Variants in INAVA observed in about 807,000 individuals in gnomAD.
INAVA encodes the protein innate immunity activator protein.
In INAVA, 32 loss-of-function variants were observed where a neutral mutation model predicts 55.3. The ratio of observed to expected loss-of-function variants is 0.58; its 90% CI spans 0.44 to 0.78. The LOEUF (loss-of-function observed/expected upper bound fraction) is 0.78, where lower values mean the gene tolerates loss of function less well. Among genes scored for constraint, INAVA ranks in the 30% least tolerant of loss-of-function variants. INAVA has a pLI of 0.00. For synonymous variants in INAVA, 294 were observed against 329.4 expected (o/e 0.89, Z 1.16); for missense variants, 756 against 786.4 (o/e 0.96, Z 0.46).
At chr1:200,900,613 A>G (rs1558229189) in intron 4 of INAVA, among the ~76,000 whole-genome samples, 1 of 152,194 alleles carries the variant, frequency 6.6e-6, no homozygotes, top group Non-Finnish European at 1.5e-5. Context: ...CGTCAATGGC[A>G]GCAGTTTCCC....
At chr1:200,899,724 G>T (rs1653148096) in intron 3 of INAVA, 127 bp downstream of exon 3, 4 of 1,394,336 alleles carry the variant, frequency 2.9e-6, no homozygotes, top group African/African-American at 1.4e-5. Context: ...CAGGCTGGGG[G>T]CTGGGGCCCA....
chr1:200,912,352 CCATGTCTAGCT>C (rs140158468), intron 9 of INAVA, among the ~76,000 whole-genome samples: 20,297 of 152,198 alleles, frequency 0.13, 1,671 homozygotes, highest in Middle Eastern at 0.19. Flanking sequence ...ATTTTGCCTG[CCATGTCTAGCT>C]CAAGAGCATA....
chr1:200,894,623 C>T (rs1668301234), upstream of INAVA, among the ~76,000 whole-genome samples: 2 of 152,242 alleles, frequency 1.3e-5, no homozygotes, highest in East Asian at 3.9e-4. Flanking sequence ...CAGGGAGAGC[C>T]AGGGTCAGGA....
chr1:200,891,701 G>A (rs2102295731), upstream of INAVA: 1 of 1,461,154 alleles, frequency 6.8e-7, no homozygotes, highest in East Asian at 2.6e-5. Context: ...CCATGGGACA[G>A]GTAAGCGGGA....
chr1:200,913,798 A>G lies in INAVA; in HGVS notation c.*169A>G. The G allele has an allele frequency of 1.7e-6, 1 of 597,340 alleles. No individual in the cohort carries two copies. Among genetic ancestry groups the G allele is most frequent in the Non-Finnish European group, 3.0e-6 (1 of 335,774 alleles). The allele number at this position is 597,340 out of a possible 1,614,324, so 37.0% of individuals were successfully genotyped here. Reference sequence around the variant, plus strand: ...CGACTTTTTTCAGAAGCCCTGACCTAAGGATTTATATATGTGGATTGTCCT... The same window carrying G: ...CGACTTTTTTCAGAAGCCCTGACCTGAGGATTTATATATGTGGATTGTCCT... On this transcript the variant is annotated 3_prime_UTR_variant, in exon 10 of 10. Transcript: ENST00000413687.
chr1:200,898,375 G>A lies in INAVA; in HGVS notation c.-26G>A, dbSNP rs796728687. On this transcript the variant is annotated 5_prime_UTR_variant, in exon 2 of 10. It adds an upstream start codon to the 5' untranslated region. Transcript: ENST00000413687. Reference sequence around the variant, plus strand: ...TCACGGTGTCCCCCCTCCCTGCTCTGTGCCCTCTCCTTCCAGAAATCCACC... The same window carrying A: ...TCACGGTGTCCCCCCTCCCTGCTCTATGCCCTCTCCTTCCAGAAATCCACC... 6.2e-7 allele frequency: 1 copy of A among 1,614,064 alleles called. No homozygotes were observed. Among genetic ancestry groups the A allele is most frequent in the Admixed American group, 1.7e-5 (1 of 60,000 alleles).
In INAVA at chr1:200,908,751, C is replaced by T. The variant is rs1653594511; in HGVS notation, c.596C>T (p.Pro199Leu). 1.3e-6 allele frequency: 2 copies of T among 1,583,474 alleles called. No individual in the cohort carries two copies. Among genetic ancestry groups the T allele is most frequent in the African/African-American group, 2.7e-5 (2 of 73,386 alleles). Residue 199 changes from proline to leucine, a missense_variant, in exon 7 of 10, where the codon CCT becomes CTT. Pro to Leu is a moderately conservative substitution (Grantham distance 98). Coordinates refer to ENST00000413687, the MANE Select transcript of INAVA (RefSeq NM_001142569.3). ...GCAGAGGAATCCCAAGTGCCAAAACCTCCTCCAGAGTCTCCAGCCCCACCT... is the reference window on the plus strand; with the variant it reads ...GCAGAGGAATCCCAAGTGCCAAAACTTCCTCCAGAGTCTCCAGCCCCACCT... The part of the protein sequence containing the change: ...LEEEESQVPK[P>L]PPESPAPPSR...
At position 200,911,987 on chromosome 1, in the gene INAVA, C is replaced by T; in HGVS notation, c.1494C>T (p.Ala498=). The T allele has an allele frequency of 2.6e-6, 4 of 1,530,030 alleles. No individual in the cohort carries two copies. Among genetic ancestry groups the T allele is most frequent in the South Asian group, 1.2e-5 (1 of 82,678 alleles). The allele number at this position is 1,530,030 out of a possible 1,614,324, so 94.8% of individuals were successfully genotyped here. Residue 498 remains alanine, a synonymous_variant, in exon 9 of 10, where the codon GCC becomes GCT. Transcript: ENST00000413687. ...CGGCAGGCCGGGGGCTCAGCAAGGC[C>T]GCCGTGTCCGAGGAGCTCAAGTGGT... The part of the protein sequence containing the change: ...DSPAGRGLSK[A]AVSEELKWWH...
At chr1:200,904,631 T>C (rs532049237) in intron 5 of INAVA, among the ~76,000 whole-genome samples, 3 of 152,204 alleles carry the variant, frequency 2.0e-5, no homozygotes, top group Non-Finnish European at 4.4e-5. Flanking sequence ...GTCTGGGGTG[T>C]CCTGCGATGC....
At position 200,898,425 on chromosome 1, in the gene INAVA, G is replaced by A. The variant is rs1241070607; in HGVS notation, c.25G>A (p.Asp9Asn). Reference sequence around the variant, plus strand: ...CATGGAGAGTAAGGATGAGGTCAGCGACACCGACAGTGGCATCATCCTGCA... The same window carrying A: ...CATGGAGAGTAAGGATGAGGTCAGCAACACCGACAGTGGCATCATCCTGCA... MESKDEVS[D>N]TDSGIILQSG... Residue 9 changes from aspartate (D) to asparagine (N), a missense_variant, in exon 2 of 10, where the codon GAC becomes AAC. Asp to Asn is a conservative substitution (Grantham distance 23). Coordinates refer to ENST00000413687, the MANE Select transcript of INAVA (RefSeq NM_001142569.3). 9 of 1,613,812 alleles carry A rather than the reference G, an allele frequency of 5.6e-6. No homozygotes were observed. Among genetic ancestry groups the A allele is most frequent in the African/African-American group, 1.3e-5 (1 of 74,842 alleles).
At chr1:200,895,212 G>A in intron 1 of INAVA, 125 bp downstream of exon 1, 1 of 794,204 alleles carries the variant, frequency 1.3e-6, no homozygotes, top group Non-Finnish European at 1.5e-6. Flanking sequence ...TGTCTGGTGT[G>A]TAGGGATGAC....
chr1:200,911,929 G>C lies in INAVA; in HGVS notation c.1436G>C (p.Arg479Pro). The change falls in exon 9 of 10, where the codon CGC becomes CCC. Residue 479 changes from arginine to proline, a missense_variant. Coordinates refer to ENST00000413687, the MANE Select transcript of INAVA (RefSeq NM_001142569.3). ...RYQRLVPSRS[R>P]IVRTPSLKDS... ...CAGCGTCTGGTGCCCTCCCGCAGCC[G>C]CATCGTGCGGACGCCCTCCCTGAAG... is the stretch of plus-strand genomic sequence containing the variant. 6.4e-7 allele frequency: 1 copy of C among 1,565,468 alleles called. No homozygotes were observed. The highest frequency in any genetic ancestry group is 1.2e-5 in the South Asian group (1 of 86,756).
chr1:200,894,570 C>T (rs1183596513), upstream of INAVA, among the ~76,000 whole-genome samples: 3 of 152,128 alleles, frequency 2.0e-5, no homozygotes, highest in African/African-American at 7.2e-5. Context: ...GGGTGCTTAA[C>T]AGGCCTCAAT....
Position 200,912,064 on chromosome 1 carries a change from A to T in INAVA, c.1571A>T (p.Gln524Leu). 2.6e-6 allele frequency: 4 copies of T among 1,548,094 alleles called. No homozygotes were observed. Among genetic ancestry groups the T allele is most frequent in the Non-Finnish European group, 2.6e-6 (3 of 1,146,642 alleles). The stretch of plus-strand genomic sequence containing the variant: ...ACCCGCCCCCACTCACTGGACCGCC[A>T]AGGAGCTTTCCGGGTCAGGAGCCTG... ...RSTRPHSLDR[Q>L]GAFRVRSLPL... Residue 524 changes from glutamine to leucine, a missense_variant, in exon 9 of 10, where the codon CAA (glutamine) becomes CTA (leucine). Physicochemically the swap from Gln to Leu is moderately radical, Grantham distance 113. Transcript: ENST00000413687.
chr1:200,901,626 C>G (rs296528), intron 5 of INAVA, among the ~76,000 whole-genome samples: 42,947 of 152,142 alleles, frequency 0.28, 6,879 homozygotes, highest in Non-Finnish European at 0.37. Flanking sequence ...TTGACGATTG[C>G]TATGTGTTAC....
At chr1:200,901,730 G>A (rs904243697) in intron 5 of INAVA, among the ~76,000 whole-genome samples, 1 of 152,198 alleles carries the variant, frequency 6.6e-6, no homozygotes, top group African/African-American at 2.4e-5. Context: ...AGCCCCTTAA[G>A]TATCTACAAC....
upstream of INAVA, among the ~76,000 whole-genome samples, chr1:200,893,960 G>A (rs1668285606): frequency 6.6e-6 from 1 of 150,898 alleles, no homozygotes; most frequent in African/African-American, 2.4e-5. Context: ...AGAGTGGGGG[G>A]AAAGGGAGGT....
rs1668310089 is a variant in INAVA at position 200,894,942 on chromosome 1, CG to C, written c.-238del. On this transcript the variant is annotated 5_prime_UTR_variant, in exon 1 of 10. Transcript: ENST00000413687. ...GGCAAGGTAGGCAGGTGAGCCGAGA[CG>C]GACGGACGGCCAGCAGCTCCGTCAG... 2 of 985,746 alleles carry C rather than the reference CG, an allele frequency of 2.0e-6. No individual in the cohort carries two copies. The highest frequency in any genetic ancestry group is 9.4e-5 in the South Asian group (2 of 21,280). 61.1% of individuals were successfully genotyped at this position (985,746 alleles called of 1,614,324 possible). A position where few individuals can be genotyped will look rare whatever the true frequency, so the allele number is the denominator to read the frequency against.
At chr1:200,911,057 TA>T (rs1195398801) in intron 8 of INAVA, among the ~76,000 whole-genome samples, 2 of 134,200 alleles carry the variant, frequency 1.5e-5, no homozygotes, top group Non-Finnish European at 3.3e-5. Flanking sequence ...TGTAGTACTT[TA>T]AAAAAAGTAG....
Sources: allele counts gnomAD v4.1 joint callset (sites outside exome capture counted in the v4.1 genomes callset), GRCh38; gene constraint gnomAD v4.1.1; transcripts MANE v1.5; gene names NCBI Gene and HGNC (gene_info 2026-07-23, HGNC 2026-07-21).